Variants in ZFR2 observed in about 807,000 individuals in gnomAD.
The protein encoded by ZFR2 is zinc finger RNA binding protein 2.
In ZFR2, 104 loss-of-function variants were observed where a neutral mutation model predicts 105.7. The observed-to-expected ratio is 0.98, with a 90% CI of 0.84 to 1.16. The LOEUF is 1.16. ZFR2 is among the 50% of genes most tolerant of loss of function. ZFR2 has a pLI of 0.00. For synonymous variants in ZFR2, 634 were observed against 597.7 expected (o/e 1.06, Z -0.89); for missense variants, 1,425 against 1,355.5 (o/e 1.05, Z -0.80).
Position 3,819,157 on chromosome 19 carries a change from G to A in ZFR2, c.1819C>T (p.Leu607Phe). 3 of 1,604,808 alleles carry A rather than the reference G, an allele frequency of 1.9e-6. No homozygotes were observed. Among genetic ancestry groups the A allele is most frequent in the Non-Finnish European group, 2.5e-6 (3 of 1,178,164 alleles). ...HATIYPTEQE[L>F]LAVQRAVSHA... The stretch of plus-strand genomic sequence containing the variant: ...GACACGGCCCTCTGCACGGCCAGGA[G>A]CTCCTGCTCCGTGGGGTAGATGGTG... The change falls in exon 12 of 19, where the codon CTC becomes TTC. Residue 607 changes from leucine (L) to phenylalanine (F), a missense_variant. Physicochemically the swap from Leu to Phe is conservative, Grantham distance 22 (BLOSUM62 0). Coordinates refer to ENST00000262961, the MANE Select transcript of ZFR2 (RefSeq NM_015174.2).
rs1029733350 is a variant in ZFR2 at position 3,813,406 on chromosome 19, C to T, written c.2242+414G>A. On this transcript the variant is annotated intron_variant, in intron 14 of 18. Coordinates refer to ENST00000262961, the MANE Select transcript of ZFR2 (RefSeq NM_015174.2). The surrounding 1 kb of genome is among the most constrained non-coding windows in gnomAD (Gnocchi z 4.4). Reference sequence around the variant, plus strand: ...GATTCCCTACATTCCTAATCAGTGGCACTGGGACTGTGGTGACTGATGGAC... The same window carrying T: ...GATTCCCTACATTCCTAATCAGTGGTACTGGGACTGTGGTGACTGATGGAC... Among the ~76,000 whole-genome samples, 3 of 152,130 alleles carry T rather than the reference C, an allele frequency of 2.0e-5. No homozygotes were observed. The highest frequency in any genetic ancestry group is 6.5e-5 in the Admixed American group (1 of 15,274).
chr19:3,853,314 A>G (rs1409648828), intron 1 of ZFR2, among the ~76,000 whole-genome samples: 1 of 152,164 alleles, frequency 6.6e-6, no homozygotes, highest in African/African-American at 2.4e-5. Context: ...CTCACAGTTT[A>G]GAGTCAGATG....
chr19:3,855,290 T>C (rs2038283982), intron 1 of ZFR2: 2 of 943,326 alleles, frequency 2.1e-6, no homozygotes, highest in East Asian at 3.3e-5. Context: ...AAGGAGGCCA[T>C]CTTCTGGCTA....
At position 3,807,425 on chromosome 19, in the gene ZFR2, G is replaced by A. The variant is rs117467987; in HGVS notation, c.2546-156C>T. ...TCTGACCCTCAGGCCTCTCTCAGCA[G>A]GTTCAGGGTCTCACCCGGGCACATG... On this transcript the variant is annotated intron_variant, in intron 17 of 18. Coordinates refer to ENST00000262961, the MANE Select transcript of ZFR2 (RefSeq NM_015174.2). Among the ~76,000 whole-genome samples, 178 of 152,368 alleles carry A rather than the reference G, an allele frequency of 1.2e-3. No individual in the cohort carries two copies. The East Asian group carries it at 0.031, about 27-fold the overall frequency.
intron 1 of ZFR2, among the ~76,000 whole-genome samples, chr19:3,843,340 G>A (rs1291402470): frequency 6.6e-6 from 1 of 151,836 alleles, no homozygotes; most frequent in African/African-American, 2.4e-5. Flanking sequence ...GCCTGGTGGG[G>A]CGTGCCTGTA....
At chr19:3,820,323 G>A (rs1469257407) in intron 10 of ZFR2, 33 bp from the exon 11 acceptor site, 2 of 1,515,096 alleles carry the variant, frequency 1.3e-6, no homozygotes, top group Non-Finnish European at 1.8e-6. Context: ...AGCATGGTCA[G>A]GCCAGCAGTG....
intron 1 of ZFR2, among the ~76,000 whole-genome samples, chr19:3,863,150 G>A (rs550834020): frequency 2.6e-5 from 4 of 152,352 alleles, no homozygotes; most frequent in South Asian, 2.1e-4. Flanking sequence ...GCCGGAGGGC[G>A]AGCGTGGCGT....
In ZFR2 at chr19:3,807,290, A is replaced by G. The variant is rs1030375103; in HGVS notation, c.2546-21T>C. ...CCCGTCTTTGTGACGGGGAGTGGGA[A>G]CAGCAAAGAAGGCGAGAATGCCCTC... is the stretch of plus-strand genomic sequence containing the variant. On this transcript the variant is annotated intron_variant, in intron 17 of 18. Coordinates refer to ENST00000262961, the MANE Select transcript of ZFR2 (RefSeq NM_015174.2). 3 of 1,533,488 alleles carry G rather than the reference A, an allele frequency of 2.0e-6. No homozygotes were observed. In the African/African-American group the frequency reaches 4.1e-5, roughly 21 times the overall value. The allele number at this position is 1,533,488 out of a possible 1,614,324, so 95.0% of individuals were successfully genotyped here. A position where few individuals can be genotyped will look rare whatever the true frequency, so the allele number is the denominator to read the frequency against.
intron 1 of ZFR2, among the ~76,000 whole-genome samples, chr19:3,854,819 A>G (rs1188844220): frequency 1.3e-5 from 2 of 152,240 alleles, no homozygotes; most frequent in South Asian, 2.1e-4. Flanking sequence ...GCTAGAGTAC[A>G]GTGATGCAAT....
intron 14 of ZFR2, among the ~76,000 whole-genome samples, chr19:3,812,894 C>T (rs2037781759): frequency 2.0e-5 from 3 of 152,108 alleles, no homozygotes; most frequent in African/African-American, 7.2e-5. Flanking sequence ...ACCTGGCCAA[C>T]CTGGTAAAAC....
chr19:3,842,260 C>T (rs912970020), intron 1 of ZFR2, among the ~76,000 whole-genome samples: 8 of 151,926 alleles, frequency 5.3e-5, no homozygotes, highest in Non-Finnish European at 7.4e-5. Context: ...GTGATCTGCC[C>T]GCCTCGGCTT....
intron 1 of ZFR2, among the ~76,000 whole-genome samples, chr19:3,851,000 GGA>G (rs113879608): frequency 6.6e-6 from 1 of 151,594 alleles, no homozygotes; most frequent in African/African-American, 2.4e-5. Context: ...TGAAAGCCAA[GGA>G]GAGAGCCCTC....
chr19:3,850,900 C>CAAAAA (rs59933286), intron 1 of ZFR2, among the ~76,000 whole-genome samples: 2 of 92,484 alleles, frequency 2.2e-5, no homozygotes, highest in African/African-American at 5.0e-5. Flanking sequence ...GCAGTCTTTT[C>CAAAAA]AAAAAAAAAA....
At chr19:3,865,389 G>T (rs1327230444) in intron 1 of ZFR2, among the ~76,000 whole-genome samples, 1 of 152,004 alleles carries the variant, frequency 6.6e-6, no homozygotes, top group Non-Finnish European at 1.5e-5. Flanking sequence ...TTGCTCTGTT[G>T]CCCAGGCTGG....
chr19:3,846,311 G>C (rs1281686938), intron 1 of ZFR2, among the ~76,000 whole-genome samples: 1 of 152,218 alleles, frequency 6.6e-6, no homozygotes, highest in Non-Finnish European at 1.5e-5. Context: ...GCAGTTGGTT[G>C]AATCCACAGA....
intron 1 of ZFR2, among the ~76,000 whole-genome samples, chr19:3,867,501 GC>G (rs1449025124): frequency 6.6e-6 from 1 of 151,912 alleles, no homozygotes; most frequent in African/African-American, 2.4e-5. Flanking sequence ...GAGCCCTTCT[GC>G]CCCTGGCCAG....
At chr19:3,867,501 G>C (rs1237436222) in intron 1 of ZFR2, among the ~76,000 whole-genome samples, 7 of 151,912 alleles carry the variant, frequency 4.6e-5, no homozygotes, top group African/African-American at 1.7e-4. Context: ...GAGCCCTTCT[G>C]CCCCTGGCCA....
At chr19:3,830,144 T>A (rs79410254) in intron 5 of ZFR2, among the ~76,000 whole-genome samples, 24,009 of 75,808 alleles carry the variant, frequency 0.32, 2,204 homozygotes, top group East Asian at 0.5. Context: ...TACAAAAAAA[T>A]TTTTTTTTAA....
rs891364826 is a variant in ZFR2, at chr19:3,834,338, C to T, written c.264+435G>A. 1.3e-5 allele frequency among the ~76,000 whole-genome samples: 2 copies of T among 151,250 alleles called. No individual in the cohort carries two copies. The highest frequency in any genetic ancestry group is 1.3e-4 in the Admixed American group (2 of 15,050). On this transcript the variant is annotated intron_variant, in intron 2 of 18. Transcript: ENST00000262961. This position sits in a 1 kb window ranked among gnomAD's most constrained non-coding sequence, Gnocchi z 5.3. ...GTCGTCAGCACCCAGGTGCACCCCACACACCACAGACTCCCTCTTAGAAGG... is the reference window on the plus strand; with the variant it reads ...GTCGTCAGCACCCAGGTGCACCCCATACACCACAGACTCCCTCTTAGAAGG...
Sources: allele counts gnomAD v4.1 joint callset (sites outside exome capture counted in the v4.1 genomes callset), GRCh38; gene constraint gnomAD v4.1.1; non-coding constraint Gnocchi (gnomAD v3.1); transcripts MANE v1.5; gene names NCBI Gene and HGNC (gene_info 2026-07-23, HGNC 2026-07-21).